The following CTDSPL2 variants were observed in gnomAD, a reference collection of about 807,000 sequenced individuals.
CTDSPL2 encodes CTD small phosphatase-like protein 2.
Under a neutral mutation model 60.0 loss-of-function variants are expected in CTDSPL2, and 5 were observed. The ratio of observed to expected loss-of-function variants is 0.08; its 90% CI spans 0.04 to 0.18. The LOEUF (loss-of-function observed/expected upper bound fraction) is 0.18, where lower values mean the gene tolerates loss of function less well. Ranked by LOEUF, CTDSPL2 falls within the 10% of genes least tolerant of loss-of-function variation. The probability of loss-of-function intolerance (pLI) is 1.00; values close to 1 mark genes in which losing one functional copy is unlikely to be tolerated. For synonymous variants in CTDSPL2, 186 were observed against 189.3 expected (o/e 0.98, Z 0.14); for missense variants, 370 against 548.8 (o/e 0.67, Z 3.26).
At chr15:44,461,398 A>AT (rs1011684032) in intron 2 of CTDSPL2, among the ~76,000 whole-genome samples, 2 of 150,906 alleles carry the variant, frequency 1.3e-5, no homozygotes, top group African/African-American at 4.9e-5. Context: ...CTGTATTCTA[A>AT]TTTTTTTTTA....
At chr15:44,485,632 C>T (rs933103182) in intron 3 of CTDSPL2, among the ~76,000 whole-genome samples, 2 of 152,204 alleles carry the variant, frequency 1.3e-5, no homozygotes, top group African/African-American at 2.4e-5. Context: ...TCCTGCTCTG[C>T]GGCCCAGTTC....
In CTDSPL2 at chr15:44,493,601, C is replaced by G. The variant is rs114994105; in HGVS notation, c.691+2602C>G. On this transcript the variant is annotated intron_variant, in intron 5 of 12. Transcript: ENST00000260327. Reference sequence around the variant, plus strand: ...TTGAGCTTAGGAGTTTGAGACTAGCCTGGGCAATATGGCGAAACCCTGTAT... The same window carrying G: ...TTGAGCTTAGGAGTTTGAGACTAGCGTGGGCAATATGGCGAAACCCTGTAT... 3.7e-3 allele frequency among the ~76,000 whole-genome samples: 563 copies of G among 152,188 alleles called. 2 individuals are homozygous for G. Among genetic ancestry groups the G allele is most frequent in the African/African-American group, 0.013 (538 of 41,502 alleles).
chr15:44,512,914 A>G (rs534819055), intron 8 of CTDSPL2, among the ~76,000 whole-genome samples: 2 of 151,876 alleles, frequency 1.3e-5, no homozygotes, highest in East Asian at 3.9e-4. Flanking sequence ...TCTACTAAAA[A>G]TACAAAAATT....
At chr15:44,464,932 C>T (rs570312801) in intron 2 of CTDSPL2, among the ~76,000 whole-genome samples, 2 of 152,120 alleles carry the variant, frequency 1.3e-5, no homozygotes, top group Non-Finnish European at 1.5e-5. Context: ...TCTTGAACTC[C>T]TGACCTTAAG....
chr15:44,497,220 T>G, intron 7 of CTDSPL2, 82 bp downstream of exon 7: 1 of 802,490 alleles, frequency 1.2e-6, no homozygotes, highest in Admixed American at 2.6e-5. Flanking sequence ...GCTTTCCCTT[T>G]TTTTTGTCAG....
At chr15:44,521,201 G>A in intron 11 of CTDSPL2, 110 bp from the exon 12 acceptor site, 1 of 523,972 alleles carries the variant, frequency 1.9e-6, no homozygotes, top group Non-Finnish European at 3.3e-6. Context: ...CTTTTCAAAG[G>A]AACTTTTAGA....
chr15:44,489,571 G>A (rs1194937250), intron 4 of CTDSPL2, among the ~76,000 whole-genome samples: 3 of 152,206 alleles, frequency 2.0e-5, no homozygotes, highest in Non-Finnish European at 4.4e-5. Context: ...GTTTCTCAGT[G>A]TTAATGTCCA....
At chr15:44,461,724 A>G (rs764542841) in intron 2 of CTDSPL2, among the ~76,000 whole-genome samples, 5 of 152,088 alleles carry the variant, frequency 3.3e-5, no homozygotes, top group Non-Finnish European at 7.4e-5. Flanking sequence ...TTCTTACAAT[A>G]AAGTAAGCTA....
chr15:44,442,138 G>A (rs1349474036), intron 1 of CTDSPL2, among the ~76,000 whole-genome samples: 2 of 151,912 alleles, frequency 1.3e-5, no homozygotes, highest in Non-Finnish European at 2.9e-5. Context: ...TTCCTGTTAC[G>A]AAATTCCTAG....
chr15:44,507,391 CT>C (rs1251601937), intron 8 of CTDSPL2, among the ~76,000 whole-genome samples: 2 of 152,158 alleles, frequency 1.3e-5, no homozygotes, highest in African/African-American at 4.8e-5. Flanking sequence ...GCCGCAGGAG[CT>C]TTTAATTTAG....
chr15:44,448,705 C>G (rs1183221195), intron 1 of CTDSPL2: 1 of 333,768 alleles, frequency 3.0e-6, no homozygotes, highest in Non-Finnish European at 5.9e-6. Flanking sequence ...GTTTCCCATT[C>G]CAGTGCCTTT....
chr15:44,462,512 A>G lies in CTDSPL2; in HGVS notation c.186+3312A>G, dbSNP rs751683841. ...CAGTGTAGATCCCTTTATATGCACAATTCACACTAGAGTTCGTGCTCCTAT... is the reference window on the plus strand; with the variant it reads ...CAGTGTAGATCCCTTTATATGCACAGTTCACACTAGAGTTCGTGCTCCTAT... On this transcript the variant is annotated intron_variant, in intron 2 of 12. Coordinates refer to ENST00000260327, the MANE Select transcript of CTDSPL2 (RefSeq NM_016396.3). Among the ~76,000 whole-genome samples the G allele has an allele frequency of 2.7e-5, 4 of 150,536 alleles. No individual in the cohort carries two copies. The East Asian group carries it at 5.9e-4, about 22-fold the overall frequency.
At chr15:44,479,213 CCTGGCTCT>C (rs1351558824) in intron 2 of CTDSPL2, among the ~76,000 whole-genome samples, 2 of 151,940 alleles carry the variant, frequency 1.3e-5, no homozygotes, top group African/African-American at 4.8e-5. Context: ...TTAGTGAAAC[CCTGGCTCT>C]CAAAAGAACA....
intron 2 of CTDSPL2, among the ~76,000 whole-genome samples, chr15:44,462,077 G>A (rs1049144709): frequency 1.2e-4 from 19 of 152,282 alleles, no homozygotes; most frequent in Non-Finnish European, 4.4e-5. Context: ...AAGTAGCTGG[G>A]ACTACAGGCT....
chr15:44,453,151 T>C (rs1386837197), intron 1 of CTDSPL2, among the ~76,000 whole-genome samples: 2 of 152,172 alleles, frequency 1.3e-5, no homozygotes, highest in African/African-American at 4.8e-5. Context: ...TCTAGCCTAA[T>C]TGCCTGCTTA....
chr15:44,463,375 C>G (rs1056556773), intron 2 of CTDSPL2, among the ~76,000 whole-genome samples: 2 of 152,090 alleles, frequency 1.3e-5, no homozygotes, highest in Non-Finnish European at 2.9e-5. Context: ...CTCCTGACCT[C>G]AAGTGATCTG....
chr15:44,441,405 C>CTGAA (rs975854211), intron 1 of CTDSPL2, among the ~76,000 whole-genome samples: 34 of 152,296 alleles, frequency 2.2e-4, no homozygotes, highest in African/African-American at 7.9e-4. Flanking sequence ...GGAGGGCTCT[C>CTGAA]TTCAGTCCCA....
chr15:44,441,291 T>C (rs1222132395), intron 1 of CTDSPL2, among the ~76,000 whole-genome samples: 1 of 152,090 alleles, frequency 6.6e-6, no homozygotes, highest in Non-Finnish European at 1.5e-5. Context: ...GTTCCTCCAC[T>C]AGTCCCTTCC....
At chr15:44,467,712 T>A (rs1056929782) in intron 2 of CTDSPL2, among the ~76,000 whole-genome samples, 1 of 152,122 alleles carries the variant, frequency 6.6e-6, no homozygotes, top group African/African-American at 2.4e-5. Context: ...TAACTGGGAT[T>A]ACAGGCACGT....
Sources: gnomAD v4.1 joint callset for allele counts (sites outside exome capture counted in the v4.1 genomes callset) on GRCh38, gnomAD v4.1.1 for gene constraint, MANE v1.5 for transcripts, NCBI Gene and HGNC (gene_info 2026-07-23, HGNC 2026-07-21) for gene names.